Variants in LRP2 observed in about 807,000 individuals in gnomAD.
LRP2 encodes the protein LDL receptor related protein 2.
LRP2 carries 172 observed loss-of-function variants against 531.0 expected under a neutral mutation model. That is an observed-to-expected ratio of 0.32 (90% CI 0.29 to 0.37). The LOEUF (loss-of-function observed/expected upper bound fraction) is 0.37. Ranked by LOEUF, LRP2 falls within the 10% of genes least tolerant of loss-of-function variation. The pLI is 1.00. For missense variants in LRP2, 5,167 were observed against 5,868.3 expected (o/e 0.88, Z 3.90); for synonymous variants, 1,992 against 2,027.6 (o/e 0.98, Z 0.47).
chr2:169,342,881 T>C (rs1198470591), intron 1 of LRP2, among the ~76,000 whole-genome samples: 1 of 152,242 alleles, frequency 6.6e-6, no homozygotes, highest in African/African-American at 2.4e-5. Flanking sequence ...TTCTCACCTA[T>C]TGAACATCTC....
At chr2:169,323,827 C>A (rs1276552358) in intron 1 of LRP2, among the ~76,000 whole-genome samples, 1 of 144,788 alleles carries the variant, frequency 6.9e-6, no homozygotes, top group African/African-American at 2.6e-5. Flanking sequence ...TCTCCAGGAG[C>A]CTCTCTGGTT....
In LRP2 at chr2:169,271,024, C is replaced by A. The variant is rs759114046; in HGVS notation, c.2200G>T (p.Val734Phe). The A allele has an allele frequency of 5.0e-6, 8 of 1,613,094 alleles. No homozygotes were observed. Among genetic ancestry groups the A allele is most frequent in the Non-Finnish European group, 5.1e-6 (6 of 1,179,516 alleles). The change falls in exon 16 of 79, where the codon GTT (valine) becomes TTT (phenylalanine). Residue 734 changes from valine (V) to phenylalanine (F), a missense_variant. Val to Phe is a conservative substitution (Grantham distance 50, BLOSUM62 -1). Transcript: ENST00000649046. The stretch of plus-strand genomic sequence containing the variant: ...AAAGAAGGATTCCCCGAAACTGGAA[C>A]CATGACATCTTCCTGGGTAGACAAG... ...FTLSTQEDVM[V>F]PVSGNPSFFV...
At chr2:169,307,452 A>G (rs1442471272) in intron 3 of LRP2, 55 bp from the exon 4 acceptor site, 1 of 1,006,032 alleles carries the variant, frequency 9.9e-7, no homozygotes, top group Non-Finnish European at 1.6e-6. Context: ...ACACAGACTA[A>G]TCTATTGTCA....
chr2:169,304,509 C>T (rs952787526), intron 4 of LRP2, among the ~76,000 whole-genome samples: 2 of 152,090 alleles, frequency 1.3e-5, no homozygotes, highest in African/African-American at 4.8e-5. Context: ...CAAAATATAA[C>T]ATATGGTTTA....
intron 55 of LRP2, 142 bp downstream of exon 55, chr2:169,175,051 A>T: frequency 1.4e-6 from 1 of 730,372 alleles, no homozygotes; most frequent in Non-Finnish European, 2.3e-6. Context: ...TCATAAAAAT[A>T]GAAAAAGGAT....
rs1030364421 is a variant in LRP2 at position 169,128,199 on chromosome 2, T to C, written c.*464A>G. 2 of 180,472 alleles carry C rather than the reference T, an allele frequency of 1.1e-5. No individual in the cohort carries two copies. Among genetic ancestry groups the C allele is most frequent in the African/African-American group, 4.8e-5 (2 of 41,630 alleles). The allele number at this position is 180,472 out of a possible 1,614,324, so 11.2% of individuals were successfully genotyped here. A position where few individuals can be genotyped will look rare whatever the true frequency, so the allele number is the denominator to read the frequency against. On this transcript the variant is annotated 3_prime_UTR_variant, in exon 79 of 79. Transcript: ENST00000649046. ...ATTGAACATTAATTAAGTGCTAATG[T>C]GTAAAAATGGACCCAAGAGCGGGGC...
intron 77 of LRP2, among the ~76,000 whole-genome samples, chr2:169,130,327 G>A (rs926896460): frequency 6.9e-6 from 1 of 145,700 alleles, no homozygotes; most frequent in African/African-American, 2.6e-5. Context: ...TCACTCTGTC[G>A]CCTAGGCTGG....
Position 169,173,186 on chromosome 2 carries a change from T to G in LRP2, c.11053A>C (p.Ser3685Arg), listed in dbSNP as rs771434897. 2.5e-6 allele frequency: 4 copies of G among 1,614,164 alleles called. No homozygotes were observed. In the South Asian group the frequency reaches 4.4e-5, roughly 18 times the overall value. ...ATGCAGCGGTAATTTGTTTTGCAGC[T>G]GAATTCTGTGAAGTTGTCACAGAGA... ...AHLCDNFTEF[S>R]CKTNYRCIPK... Residue 3685 changes from serine to arginine, a missense_variant, in exon 57 of 79, where the codon AGC becomes CGC. Ser to Arg is a moderately radical substitution (Grantham distance 110, BLOSUM62 -1). This residue lies in a region of LRP2 where 311 missense variants were observed against 309.4 expected (regional missense o/e 1.01). Transcript: ENST00000649046.
In LRP2 at chr2:169,172,030, C is replaced by T; in HGVS notation, c.11248G>A (p.Asp3750Asn). Residue 3750 changes from aspartate (D) to asparagine (N), a missense_variant, in exon 58 of 79, where the codon GAT becomes AAT. Asp to Asn is a conservative substitution (Grantham distance 23, BLOSUM62 1). Coordinates refer to ENST00000649046, the MANE Select transcript of LRP2 (RefSeq NM_004525.3). Reference sequence around the variant, plus strand: ...GAACACTCACCACAGTTTTCCTCATCTGAGTTATCTCCACAGTCATTTTGC... The same window carrying T: ...GAACACTCACCACAGTTTTCCTCATTTGAGTTATCTCCACAGTCATTTTGC... ...DGQNDCGDNS[D>N]EENCAPRECT... 1 of 1,614,158 alleles carries T rather than the reference C, an allele frequency of 6.2e-7. No homozygotes were observed. Among genetic ancestry groups the T allele is most frequent in the Non-Finnish European group, 8.5e-7 (1 of 1,180,022 alleles).
At chr2:169,228,938 G>A (rs373262120) in intron 31 of LRP2, among the ~76,000 whole-genome samples, 53 of 152,288 alleles carry the variant, frequency 3.5e-4, no homozygotes, top group African/African-American at 1.2e-3. Flanking sequence ...GAGCAAACGG[G>A]TAAAAATCAG....
chr2:169,190,208 T>G (rs1460514116), intron 48 of LRP2, among the ~76,000 whole-genome samples: 1 of 151,908 alleles, frequency 6.6e-6, no homozygotes, highest in African/African-American at 2.4e-5. Flanking sequence ...CCACTTTAGG[T>G]GCAAAAAATA....
intron 61 of LRP2, among the ~76,000 whole-genome samples, chr2:169,168,042 T>TATATATATATATATATATATATAC (rs1574090048): frequency 7.3e-6 from 1 of 136,448 alleles, no homozygotes; most frequent in East Asian, 2.1e-4. Context: ...TATATATATA[T>TATATATATATATATATATATATAC]ATATGCATCA....
At chr2:169,212,466 G>A (rs756588264) in intron 36 of LRP2, among the ~76,000 whole-genome samples, 9 of 152,114 alleles carry the variant, frequency 5.9e-5, no homozygotes, top group African/African-American at 1.7e-4. Context: ...CAAATCATGC[G>A]AGGATTAGGG....
chr2:169,238,249 T>G lies in LRP2; in HGVS notation c.4348A>C (p.Ser1450Arg). The G allele has an allele frequency of 1.9e-6, 3 of 1,614,210 alleles. No individual in the cohort carries two copies. Among genetic ancestry groups the G allele is most frequent in the Non-Finnish European group, 2.5e-6 (3 of 1,180,026 alleles). Residue 1450 changes from serine to arginine, a missense_variant, in exon 27 of 79, where the codon AGT (serine) becomes CGT (arginine). This residue lies in a region of LRP2 where 2,811 missense variants were observed against 3,058.0 expected (regional missense o/e 0.92). Coordinates refer to ENST00000649046, the MANE Select transcript of LRP2 (RefSeq NM_004525.3). ...ATATTGTGGACCTGGGAGGTGACACTGTCGGCAATAATTTTGTTCTGACTT... is the reference window on the plus strand; with the variant it reads ...ATATTGTGGACCTGGGAGGTGACACGGTCGGCAATAATTTTGTTCTGACTT... The part of the protein sequence containing the change: ...VASQNKIIAD[S>R]VTSQVHNIYS...
At chr2:169,145,637 C>T in intron 70 of LRP2, 110 bp downstream of exon 70, 1 of 1,082,514 alleles carries the variant, frequency 9.2e-7, no homozygotes, top group Non-Finnish European at 1.4e-6. Flanking sequence ...TTTCATGCAC[C>T]AAGAGATTAG....
chr2:169,305,500 G>A (rs1684391837), intron 4 of LRP2, among the ~76,000 whole-genome samples: 1 of 152,262 alleles, frequency 6.6e-6, no homozygotes, highest in African/African-American at 2.4e-5. Context: ...AGACAATCCA[G>A]AGAACTAAAA....
chr2:169,243,184 C>T, intron 23 of LRP2, 112 bp from the exon 24 acceptor site: 1 of 979,542 alleles, frequency 1.0e-6, no homozygotes, highest in Non-Finnish European at 1.6e-6. Flanking sequence ...ATATGCAGAA[C>T]ATGCAGGTTT....
At position 169,280,442 on chromosome 2, in the gene LRP2, G is replaced by A. The variant is rs1683670475; in HGVS notation, c.1249C>T (p.Leu417=). The change falls in exon 11 of 79, where the codon CTA becomes TTA. Residue 417 remains leucine, a synonymous_variant. Transcript: ENST00000649046. ...ACTCCACGATTCTGAGACTCCACTA[G>A]GATCCGGAAGCTCCTTCCATGAATA... is the stretch of plus-strand genomic sequence containing the variant. ...GDIHGRSFRI[L]VESQNRGVAV... 2 of 1,614,038 alleles carry A rather than the reference G, an allele frequency of 1.2e-6. No homozygotes were observed. The highest frequency in any genetic ancestry group is 1.3e-5 in the African/African-American group (1 of 74,906).
In LRP2 at chr2:169,157,382, G is replaced by A; in HGVS notation, c.12008C>T (p.Thr4003Ile). 1 of 1,613,250 alleles carries A rather than the reference G, an allele frequency of 6.2e-7. No individual in the cohort carries two copies. The highest frequency in any genetic ancestry group is 8.5e-7 in the Non-Finnish European group (1 of 1,179,470). The change falls in exon 64 of 79, where the codon ACC (threonine) becomes ATC (isoleucine). Residue 4003 changes from threonine to isoleucine, a missense_variant. Physicochemically the swap from Thr to Ile is moderately conservative, Grantham distance 89 (BLOSUM62 -1). Around this residue, in one of 6 missense-constraint regions of LRP2, gnomAD observed 564 missense variants for 747.7 expected, o/e 0.75. Coordinates refer to ENST00000649046, the MANE Select transcript of LRP2 (RefSeq NM_004525.3). Reference sequence around the variant, plus strand: ...AAAATATACTCTACCTAGACAGGAGGTTCTGTCAAAAACATTGGTTTCGAA... The same window carrying A: ...AAAATATACTCTACCTAGACAGGAGATTCTGTCAAAAACATTGGTTTCGAA... ...AGFETNVFDR[T>I]SCLDINECEQ...
Sources: gnomAD v4.1 joint callset for allele counts (sites outside exome capture counted in the v4.1 genomes callset) on GRCh38, gnomAD v4.1.1 for gene constraint, gnomAD v4.1.1 regional missense constraint, MANE v1.5 for transcripts, NCBI Gene and HGNC (gene_info 2026-07-23, HGNC 2026-07-21) for gene names.